Variants in SLC1A1 observed in about 807,000 individuals in gnomAD.
The protein encoded by SLC1A1 is excitatory amino acid transporter 3.
A neutral mutation model predicts 53.3 loss-of-function variants in SLC1A1; 43 were observed. That is an observed-to-expected ratio of 0.81 (90% confidence interval 0.63 to 1.04). The LOEUF (loss-of-function observed/expected upper bound fraction) is 1.04, where lower values mean the gene tolerates loss of function less well. SLC1A1 is among the 50% of genes least tolerant of loss of function. SLC1A1 has a pLI of 0.00. For synonymous variants in SLC1A1, 307 were observed against 243.2 expected (o/e 1.26, Z -2.44); for missense variants, 748 against 664.9 (o/e 1.12, Z -1.37).
chr9:4,514,355 C>A (rs1176613077), intron 1 of SLC1A1, among the ~76,000 whole-genome samples: 1 of 152,136 alleles, frequency 6.6e-6, no homozygotes, highest in Non-Finnish European at 1.5e-5. Flanking sequence ...TGCCGTAATT[C>A]CCATTGAGGA....
intron 2 of SLC1A1, among the ~76,000 whole-genome samples, chr9:4,555,719 CTCT>C (rs1818311660): frequency 6.6e-6 from 1 of 152,154 alleles, no homozygotes; most frequent in African/African-American, 2.4e-5. Context: ...TGGAATCGTG[CTCT>C]TCTTTTTCTG....
rs763282092 is a variant in SLC1A1 at position 4,564,416 on chromosome 9, C to T, written c.398C>T (p.Thr133Ile). The T allele has an allele frequency of 1.2e-6, 2 of 1,613,710 alleles. No individual in the cohort carries two copies. The highest frequency in any genetic ancestry group is 1.7e-6 in the Non-Finnish European group (2 of 1,179,792). The change falls in exon 4 of 12, where the codon ACC becomes ATC. Residue 133 changes from threonine (T) to isoleucine (I), a missense_variant. By Grantham distance (89) the Thr-to-Ile change is moderately conservative. Coordinates refer to ENST00000262352, the MANE Select transcript of SLC1A1 (RefSeq NM_004170.6). The part of the protein sequence containing the change: ...KVGEIARTGS[T>I]PEVSTVDAML... ...GGTGAAATTGCGAGGACAGGCAGCA[C>T]CCCTGAAGTCAGTACGGTGGATGCC...
intron 1 of SLC1A1, among the ~76,000 whole-genome samples, chr9:4,524,030 G>A (rs1816176634): frequency 6.6e-6 from 1 of 152,098 alleles, no homozygotes; most frequent in African/African-American, 2.4e-5. Flanking sequence ...TATATTAAAG[G>A]CCCTTTGTTT....
intron 2 of SLC1A1, among the ~76,000 whole-genome samples, chr9:4,555,184 A>T (rs1270700523): frequency 6.6e-6 from 1 of 152,256 alleles, no homozygotes; most frequent in Non-Finnish European, 1.5e-5. Context: ...TCTGCCGGTG[A>T]CAGAGACAGG....
intron 1 of SLC1A1, among the ~76,000 whole-genome samples, chr9:4,499,861 A>G (rs1820573310): frequency 6.6e-6 from 1 of 152,252 alleles, no homozygotes; most frequent in South Asian, 2.1e-4. Context: ...GAAAGCTTCA[A>G]ATGAAAACAC....
intron 10 of SLC1A1, among the ~76,000 whole-genome samples, chr9:4,578,464 T>A (rs190707339): frequency 6.6e-6 from 1 of 151,730 alleles, no homozygotes; most frequent in African/African-American, 2.4e-5. Context: ...GAGAAGGAGA[T>A]TAAGGACTGA....
At chr9:4,518,661 T>C (rs894103215) in intron 1 of SLC1A1, among the ~76,000 whole-genome samples, 2 of 152,228 alleles carry the variant, frequency 1.3e-5, no homozygotes. Context: ...TGTCTGTAGC[T>C]TCTTTCACAT....
chr9:4,579,107 TACACCATTTGGC>T (rs1418868328), intron 10 of SLC1A1, among the ~76,000 whole-genome samples: 55 of 152,324 alleles, frequency 3.6e-4, no homozygotes, highest in African/African-American at 1.3e-3. Context: ...AAGTGCAAAA[TACACCATTTGGC>T]ACACCAGCTG....
chr9:4,509,583 G>C (rs964758426), intron 1 of SLC1A1, among the ~76,000 whole-genome samples: 1 of 151,892 alleles, frequency 6.6e-6, no homozygotes, highest in Non-Finnish European at 1.5e-5. Flanking sequence ...CCCAACCTCT[G>C]TCTCTTTCTA....
Position 4,585,404 on chromosome 9 carries a change from A to G in SLC1A1, c.1421A>G (p.Asp474Gly), listed in dbSNP as rs1166898615. 1 of 1,614,222 alleles carries G rather than the reference A, an allele frequency of 6.2e-7. No individual in the cohort carries two copies. Among genetic ancestry groups the G allele is most frequent in the African/African-American group, 1.3e-5 (1 of 75,052 alleles). Residue 474 changes from aspartate (D) to glycine (G), a missense_variant, in exon 12 of 12, where the codon GAT (aspartate) becomes GGT (glycine). Physicochemically the swap from Asp to Gly is moderately conservative, Grantham distance 94. Transcript: ENST00000262352. Reference protein sequence around the residue: ...KLSKKELEQMDVSSEVNIVNP... With the variant: ...KLSKKELEQMGVSSEVNIVNP... Reference sequence around the variant, plus strand: ...TCCAAGAAGGAGCTGGAGCAGATGGATGTTTCATCTGAAGTCAACATTGTG... The same window carrying G: ...TCCAAGAAGGAGCTGGAGCAGATGGGTGTTTCATCTGAAGTCAACATTGTG...
At chr9:4,562,034 C>T (rs112863018) in intron 3 of SLC1A1, among the ~76,000 whole-genome samples, 34,518 of 146,654 alleles carry the variant, frequency 0.24, 4,604 homozygotes, top group East Asian at 0.47. Context: ...CTGGAATTAC[C>T]GGCATGAGCC....
chr9:4,561,627 C>T, intron 3 of SLC1A1, 86 bp downstream of exon 3: 2 of 860,266 alleles, frequency 2.3e-6, no homozygotes, highest in Non-Finnish European at 4.0e-6. Flanking sequence ...TGCGGTGGCT[C>T]AGGCCTGTAA....
intron 6 of SLC1A1, among the ~76,000 whole-genome samples, chr9:4,570,677 A>G (rs1819946823): frequency 6.6e-6 from 1 of 152,034 alleles, no homozygotes; most frequent in Non-Finnish European, 1.5e-5. Context: ...AGCTAACATA[A>G]TTCTTTATAA....
At chr9:4,554,396 G>C (rs1027256781) in intron 2 of SLC1A1, 1 of 152,232 alleles carries the variant, frequency 6.6e-6, no homozygotes, top group African/African-American at 2.4e-5. Context: ...AACCTAGCAA[G>C]AAAGAGATAT....
At chr9:4,544,384 T>C (rs927667166) in intron 1 of SLC1A1, among the ~76,000 whole-genome samples, 183 bp from the exon 2 acceptor site, 2 of 152,236 alleles carry the variant, frequency 1.3e-5, no homozygotes, top group Admixed American at 1.3e-4. Flanking sequence ...GAATAATGTG[T>C]ACTTTCTGTT....
chr9:4,576,004 T>C lies in SLC1A1; in HGVS notation c.879T>C (p.Leu293=), dbSNP rs1255871280. 6 of 1,613,990 alleles carry C rather than the reference T, an allele frequency of 3.7e-6. No individual in the cohort carries two copies. Among genetic ancestry groups the C allele is most frequent in the Non-Finnish European group, 5.1e-6 (6 of 1,179,926 alleles). The change falls in exon 9 of 12, where the codon CTT becomes CTC. Residue 293 remains leucine, a synonymous_variant. Coordinates refer to ENST00000262352, the MANE Select transcript of SLC1A1 (RefSeq NM_004170.6). ...AATTTCTCTTTCTTGTTTACAGGCT[T>C]GCAATCCACTCCATTGTAATTCTCC... The part of the protein sequence containing the change: ...GLYMATVLTG[L]AIHSIVILPL...
chr9:4,576,834 G>A (rs1820591924), intron 10 of SLC1A1, 71 bp downstream of exon 10: 1 of 1,373,006 alleles, frequency 7.3e-7, no homozygotes, highest in Non-Finnish European at 1.0e-6. Context: ...TGTCCATGAA[G>A]GGACACCAAG....
chr9:4,512,902 T>C (rs1048554436), intron 1 of SLC1A1, among the ~76,000 whole-genome samples: 7 of 152,162 alleles, frequency 4.6e-5, no homozygotes, highest in Admixed American at 2.0e-4. Flanking sequence ...AGTGCTGAGA[T>C]TGCAGGTGTG....
At chr9:4,513,524 G>C (rs984452106) in intron 1 of SLC1A1, among the ~76,000 whole-genome samples, 1 of 152,120 alleles carries the variant, frequency 6.6e-6, no homozygotes, top group African/African-American at 2.4e-5. Context: ...ATACCTATTA[G>C]AGTGGCTAAA....
Sources: allele counts gnomAD v4.1 joint callset (sites outside exome capture counted in the v4.1 genomes callset), GRCh38; gene constraint gnomAD v4.1.1; transcripts MANE v1.5; gene names NCBI Gene and HGNC (gene_info 2026-07-23, HGNC 2026-07-21).